Variants in NMT1 observed in about 807,000 individuals in gnomAD.
NMT1 encodes the protein N-myristoyltransferase 1, also known as glycylpeptide N-tetradecanoyltransferase 1.
A neutral mutation model predicts 63.4 loss-of-function variants in NMT1; 12 were observed. The observed-to-expected ratio is 0.19, with a 90% CI of 0.12 to 0.31. NMT1 has a LOEUF of 0.31. Among genes scored for constraint, NMT1 ranks in the 10% least tolerant of loss-of-function variants. The pLI is 1.00. For synonymous variants in NMT1, 228 were observed against 234.3 expected (o/e 0.97, Z 0.25); for missense variants, 432 against 634.6 (o/e 0.68, Z 3.43).
At chr17:45,071,846 G>A (rs1319457675) in intron 1 of NMT1, among the ~76,000 whole-genome samples, 2 of 152,148 alleles carry the variant, frequency 1.3e-5, no homozygotes, top group Admixed American at 6.6e-5. Context: ...AGATCCTCCC[G>A]CCTCAGCTTC....
intron 1 of NMT1, among the ~76,000 whole-genome samples, chr17:45,069,566 C>T (rs927287419): frequency 4.6e-5 from 7 of 152,148 alleles, no homozygotes; most frequent in African/African-American, 1.7e-4. Context: ...GCTGGGATTA[C>T]AGGCATGAGC....
chr17:45,069,033 T>C (rs961628523), intron 1 of NMT1, among the ~76,000 whole-genome samples: 3 of 151,816 alleles, frequency 2.0e-5, no homozygotes, highest in Non-Finnish European at 4.4e-5. Flanking sequence ...CGATCTCGGC[T>C]CACTGCAACC....
Position 45,104,931 on chromosome 17 carries a change from A to C in NMT1, c.1405A>C (p.Ile469Leu). 1 of 1,614,172 alleles carries C rather than the reference A, an allele frequency of 6.2e-7. No individual in the cohort carries two copies. Among genetic ancestry groups the C allele is most frequent in the African/African-American group, 1.3e-5 (1 of 75,030 alleles). ...CTTCCTGGAGAAGCTCAAGTTTGGC[A>C]TAGGGGACGGCAACCTGCAGTATTA... Reference protein sequence around the residue: ...KTFLEKLKFGIGDGNLQYYLY... With the variant: ...KTFLEKLKFGLGDGNLQYYLY... Residue 469 changes from isoleucine (I) to leucine (L), a missense_variant, in exon 11 of 12, where the codon ATA becomes CTA. Transcript: ENST00000258960. This position sits in a 1 kb window ranked among gnomAD's most constrained non-coding sequence, Gnocchi z 4.2.
At chr17:45,090,584 C>T (rs16939810) in intron 3 of NMT1, among the ~76,000 whole-genome samples, 4,303 of 152,154 alleles carry the variant, frequency 0.028, 306 homozygotes, top group East Asian at 0.25. Flanking sequence ...TTTTCCTCTC[C>T]TTGGCCTTTG....
At chr17:45,068,698 G>A (rs1001700973) in intron 1 of NMT1, among the ~76,000 whole-genome samples, 13 of 152,120 alleles carry the variant, frequency 8.5e-5, no homozygotes, top group African/African-American at 3.1e-4. Flanking sequence ...CCAGGCTGGA[G>A]TACAGTGGCA....
rs2053907768 is a variant in NMT1 at position 45,067,071 on chromosome 17, C to T, written c.131+5611C>T. Among the ~76,000 whole-genome samples, 6 of 151,790 alleles carry T rather than the reference C, an allele frequency of 4.0e-5. 1 individual carries two copies. In the South Asian group the frequency reaches 1.3e-3, roughly 32 times the overall value. On this transcript the variant is annotated intron_variant, in intron 1 of 11. Coordinates refer to ENST00000258960, the MANE Select transcript of NMT1 (RefSeq NM_021079.5). ...CAATTTCCCCCAGTTACGTGCCTAG[C>T]GTAATTATCCTGAACAATTGAGAGG...
chr17:45,072,789 G>A (rs2053951134), intron 1 of NMT1, among the ~76,000 whole-genome samples: 1 of 139,960 alleles, frequency 7.1e-6, no homozygotes, highest in Non-Finnish European at 1.5e-5. Flanking sequence ...TCGATCTCCT[G>A]ACGTCGTGAT....
rs1006363842 is a variant in NMT1, at chr17:45,066,644, A to G, written c.131+5184A>G. The stretch of plus-strand genomic sequence containing the variant: ...CATGTATACATATAGGTATACATGC[A>G]TACATATGCAGTGTGTATGGGTGCG... On this transcript the variant is annotated intron_variant, in intron 1 of 11. Coordinates refer to ENST00000258960, the MANE Select transcript of NMT1 (RefSeq NM_021079.5). 2.0e-5 allele frequency among the ~76,000 whole-genome samples: 3 copies of G among 152,124 alleles called. No individual in the cohort carries two copies. The South Asian group carries it at 6.2e-4, about 31-fold the overall frequency.
chr17:45,098,745 T>A (rs1337790731), intron 7 of NMT1, 193 bp downstream of exon 7: 1 of 540,972 alleles, frequency 1.8e-6, no homozygotes, highest in East Asian at 3.0e-5. Context: ...GATGGCAGAT[T>A]GGCAAGTCCC....
chr17:45,087,899 C>G (rs544865112), intron 3 of NMT1, among the ~76,000 whole-genome samples: 1 of 152,134 alleles, frequency 6.6e-6, no homozygotes, highest in Non-Finnish European at 1.5e-5. Context: ...ATCCATGAGG[C>G]CTGCAGACCT....
chr17:45,071,575 G>C (rs192810693), intron 1 of NMT1: 1 of 152,302 alleles, frequency 6.6e-6, no homozygotes, highest in Admixed American at 6.5e-5. Context: ...GTGGCCATGA[G>C]ATCTGAGAGC....
At chr17:45,091,393 T>C (rs2054087037) in intron 3 of NMT1, among the ~76,000 whole-genome samples, 1 of 152,132 alleles carries the variant, frequency 6.6e-6, no homozygotes, top group Non-Finnish European at 1.5e-5. Flanking sequence ...TAGGATTCAG[T>C]GAACACTTGG....
intron 8 of NMT1, among the ~76,000 whole-genome samples, chr17:45,102,398 T>C (rs1275277857): frequency 1.3e-5 from 2 of 152,214 alleles, no homozygotes; most frequent in Non-Finnish European, 2.9e-5. Flanking sequence ...CCTGGGAGTA[T>C]GCTGCTTTTC....
At chr17:45,066,389 A>G in intron 1 of NMT1, among the ~76,000 whole-genome samples, 1 of 152,022 alleles carries the variant, frequency 6.6e-6, no homozygotes, top group Non-Finnish European at 1.5e-5. Flanking sequence ...TTTGTATATG[A>G]ATTTAGTTCT....
intron 8 of NMT1, among the ~76,000 whole-genome samples, chr17:45,102,313 C>A (rs185452608): frequency 2.7e-4 from 41 of 152,338 alleles, no homozygotes; most frequent in African/African-American, 9.9e-4. Context: ...TCCACAGGAT[C>A]ACATGGTTTC....
Position 45,104,018 on chromosome 17 carries a change from G to A in NMT1, c.1332+142G>A, listed in dbSNP as rs771348942. On this transcript the variant is annotated intron_variant, in intron 10 of 11. Transcript: ENST00000258960. The surrounding 1 kb of genome is among the most constrained non-coding windows in gnomAD (Gnocchi z 4.2). The stretch of plus-strand genomic sequence containing the variant: ...TCTGTTCTGCTTAGGCAGGGTTCCC[G>A]CAGTTTTTAGGCAGAAACTCAAAAC... 6.9e-6 allele frequency: 11 copies of A among 1,587,154 alleles called. No individual in the cohort carries two copies. Among genetic ancestry groups the A allele is most frequent in the South Asian group, 6.7e-5 (6 of 89,440 alleles).
At chr17:45,080,682 G>T (rs1271685878) in intron 1 of NMT1, among the ~76,000 whole-genome samples, 2 of 147,900 alleles carry the variant, frequency 1.4e-5, no homozygotes, top group African/African-American at 2.5e-5. Context: ...TGTTAGCCAG[G>T]ATGGTCTTGA....
intron 1 of NMT1, among the ~76,000 whole-genome samples, chr17:45,079,314 G>T (rs2053997723): frequency 6.6e-6 from 1 of 152,020 alleles, no homozygotes. Flanking sequence ...ATGTGGGTCA[G>T]GCTGGTCTCG....
At chr17:45,069,588 C>G (rs917496376) in intron 1 of NMT1, among the ~76,000 whole-genome samples, 2 of 152,044 alleles carry the variant, frequency 1.3e-5, no homozygotes, top group Non-Finnish European at 2.9e-5. Context: ...ACCACTGCGC[C>G]CAGCTAGACT....
Sources: gnomAD v4.1 joint callset for allele counts (sites outside exome capture counted in the v4.1 genomes callset) on GRCh38, gnomAD v4.1.1 for gene constraint, Gnocchi (gnomAD v3.1) non-coding constraint, MANE v1.5 for transcripts, NCBI Gene and HGNC (gene_info 2026-07-23, HGNC 2026-07-21) for gene names.